The following IRGM variants were observed in gnomAD, a reference collection of about 807,000 sequenced individuals.
The protein encoded by IRGM is immunity-related GTPase family M protein.
For synonymous variants in IRGM, 98 were observed against 80.6 expected (o/e 1.22, Z -1.16); for missense variants, 288 against 219.9 (o/e 1.31, Z -1.96).
At chr5:150,892,948 T>G (rs560754831) in intron 3 of IRGM, among the ~76,000 whole-genome samples, 1 of 152,154 alleles carries the variant, frequency 6.6e-6, no homozygotes, top group East Asian at 1.9e-4. Flanking sequence ...TATTTCTTCA[T>G]CTTCTTTTAT....
At chr5:150,849,017 AC>A (rs1753932449), downstream of IRGM, among the ~76,000 whole-genome samples, 1 of 152,058 alleles carries the variant, frequency 6.6e-6, no homozygotes, top group South Asian at 2.1e-4. Flanking sequence ...GTGCAGGGAG[AC>A]CACCAAGACA....
chr5:150,893,995 T>C (rs992720178), intron 3 of IRGM, among the ~76,000 whole-genome samples: 1 of 152,024 alleles, frequency 6.6e-6, no homozygotes, highest in African/African-American at 2.4e-5. Flanking sequence ...TAATTCTCAG[T>C]TCCCACATCC....
chr5:150,855,886 T>C (rs1381188488), intron 1 of IRGM, among the ~76,000 whole-genome samples: 1 of 152,216 alleles, frequency 6.6e-6, no homozygotes, highest in East Asian at 1.9e-4. Flanking sequence ...GAAAATTTGA[T>C]ATCAATTAAT....
At position 150,859,548 on chromosome 5, in the gene IRGM, A is replaced by G. The variant is rs1346735497; in HGVS notation, c.158+10894A>G. On this transcript the variant is annotated intron_variant and NMD_transcript_variant, in intron 1 of 3. Coordinates refer to the IRGM transcript ENST00000520549. ...TCTGGTAGAATTTGGCTGTGAATCC[A>G]TCTGGTCCTGGACTTTTTTTGGTTG... Among the ~76,000 whole-genome samples, 8 of 152,164 alleles carry G rather than the reference A, an allele frequency of 5.3e-5. No individual in the cohort carries two copies. The East Asian group carries it at 7.7e-4, about 15-fold the overall frequency.
At chr5:150,875,719 A>C (rs1417904118) in intron 1 of IRGM, among the ~76,000 whole-genome samples, 1 of 152,110 alleles carries the variant, frequency 6.6e-6, no homozygotes, top group African/African-American at 2.4e-5. Flanking sequence ...ATAGACTTCC[A>C]CTCACCGAGG....
chr5:150,850,066 A>G (rs1283324908), downstream of IRGM, among the ~76,000 whole-genome samples: 1 of 152,248 alleles, frequency 6.6e-6, no homozygotes, highest in African/African-American at 2.4e-5. Flanking sequence ...CATTCATTAA[A>G]AAACCAAAAA....
chr5:150,882,791 C>T (rs1754464829), intron 3 of IRGM, among the ~76,000 whole-genome samples: 1 of 152,092 alleles, frequency 6.6e-6, no homozygotes, highest in Non-Finnish European at 1.5e-5. Context: ...TCTACCGCAG[C>T]TTCAACAATG....
chr5:150,879,831 G>A (rs1754419330), intron 3 of IRGM, among the ~76,000 whole-genome samples: 1 of 152,190 alleles, frequency 6.6e-6, no homozygotes, highest in African/African-American at 2.4e-5. Context: ...ACTTCTTAGG[G>A]TGGCTTCTTC....
chr5:150,850,788 T>C (rs1217842889), downstream of IRGM, among the ~76,000 whole-genome samples: 2 of 152,142 alleles, frequency 1.3e-5, no homozygotes, highest in East Asian at 3.9e-4. Flanking sequence ...TATTCTGGTT[T>C]CCACCCCCTG....
chr5:150,886,945 G>A (rs896778033), intron 3 of IRGM, among the ~76,000 whole-genome samples: 2 of 151,920 alleles, frequency 1.3e-5, no homozygotes, highest in East Asian at 3.9e-4. Context: ...TCTTTTGATA[G>A]CTTTGGAGTG....
intron 1 of IRGM, among the ~76,000 whole-genome samples, chr5:150,868,797 G>C (rs901148960): frequency 1.3e-5 from 2 of 152,128 alleles, no homozygotes; most frequent in African/African-American, 4.8e-5. Context: ...CACTGTTGGT[G>C]TGTAGCTGTG....
chr5:150,879,387 T>C (rs1485385433), intron 2 of IRGM, among the ~76,000 whole-genome samples: 1 of 152,240 alleles, frequency 6.6e-6, no homozygotes, highest in Non-Finnish European at 1.5e-5. Context: ...TTGCATTTAT[T>C]GGTAATTTAA....
At chr5:150,849,612 T>C (rs1376619860), downstream of IRGM, among the ~76,000 whole-genome samples, 2 of 148,496 alleles carry the variant, frequency 1.3e-5, no homozygotes, top group African/African-American at 4.9e-5. Context: ...TCTCTTTTTT[T>C]TTTTTTTTTT....
chr5:150,872,977 C>T (rs1754306929), intron 1 of IRGM, among the ~76,000 whole-genome samples: 1 of 152,170 alleles, frequency 6.6e-6, no homozygotes, highest in Non-Finnish European at 1.5e-5. Flanking sequence ...TCTCTGTATG[C>T]CAGATCTAAC....
chr5:150,847,416 C>T (rs1753884764), intron 1 of IRGM, 196 bp downstream of exon 1: 1 of 152,234 alleles, frequency 6.6e-6, no homozygotes, highest in African/African-American at 2.4e-5. Flanking sequence ...AAGACAAAAA[C>T]CTCTTGGGCT....
At chr5:150,856,386 G>A (rs550511295) in intron 1 of IRGM, among the ~76,000 whole-genome samples, 3 of 152,078 alleles carry the variant, frequency 2.0e-5, no homozygotes, top group South Asian at 4.2e-4. Flanking sequence ...AGCTGAGATC[G>A]CACCACTGCA....
chr5:150,891,805 G>A lies in IRGM; in HGVS notation c.*141-8784G>A, dbSNP rs190329731. ...ATCCATGAACACGCTGAGATTTTCC[G>A]TAGATGTGGAATTTCAAAGCAGTGT... On this transcript the variant is annotated intron_variant and NMD_transcript_variant, in intron 3 of 3. Coordinates refer to the IRGM transcript ENST00000520549. Among the ~76,000 whole-genome samples the A allele has an allele frequency of 1.4e-3, 217 of 152,174 alleles. 6 individuals are homozygous for A. In the South Asian group the frequency reaches 0.035, roughly 25 times the overall value.
intron 3 of IRGM, chr5:150,896,409 G>C: frequency 1.2e-6 from 2 of 1,613,582 alleles, no homozygotes; most frequent in Non-Finnish European, 1.7e-6. Flanking sequence ...CTTAGCAAAG[G>C]CTTTTCCACA....
At chr5:150,898,271 T>G in intron 3 of IRGM, 2 of 1,594,524 alleles carry the variant, frequency 1.3e-6, no homozygotes, top group South Asian at 1.1e-5. Context: ...ACAATAAAGC[T>G]GTCCAGTTAG....
Sources: allele counts gnomAD v4.1 joint callset (sites outside exome capture counted in the v4.1 genomes callset), GRCh38; gene constraint gnomAD v4.1.1; transcripts MANE v1.5; gene names NCBI Gene and HGNC (gene_info 2026-07-23, HGNC 2026-07-21).